Variants in METTL24 observed in about 807,000 individuals in gnomAD.
The protein encoded by METTL24 is probable methyltransferase-like protein 24.
METTL24 carries 29 observed loss-of-function variants against 32.7 expected under a neutral mutation model. The ratio of observed to expected loss-of-function variants is 0.89; its 90% CI spans 0.66 to 1.21. The LOEUF (loss-of-function observed/expected upper bound fraction) is 1.21, where lower values mean the gene tolerates loss of function less well. Among genes scored for constraint, METTL24 ranks in the 50% most tolerant of loss-of-function variants. METTL24 has a pLI of 0.00. For missense variants in METTL24, 439 were observed against 468.1 expected (o/e 0.94, Z 0.57); for synonymous variants, 163 against 179.5 (o/e 0.91, Z 0.73).
intron 1 of METTL24, among the ~76,000 whole-genome samples, chr6:110,338,153 T>C (rs556672610): frequency 6.6e-6 from 1 of 152,324 alleles, no homozygotes; most frequent in South Asian, 2.1e-4. Flanking sequence ...AATACCTTAA[T>C]CTAGCTAAAT....
chr6:110,337,545 C>A (rs1186973794), intron 1 of METTL24, among the ~76,000 whole-genome samples: 1 of 152,144 alleles, frequency 6.6e-6, no homozygotes, highest in Non-Finnish European at 1.5e-5. Context: ...CTAGAACAGA[C>A]CATTGGTCTT....
chr6:110,284,385 T>C (rs959673029), intron 4 of METTL24, among the ~76,000 whole-genome samples: 6 of 152,202 alleles, frequency 3.9e-5, no homozygotes, highest in African/African-American at 1.4e-4. Flanking sequence ...AATTAAAATT[T>C]TTAAAAATTA....
chr6:110,293,122 GA>G (rs200698059), intron 4 of METTL24, among the ~76,000 whole-genome samples: 2,699 of 149,980 alleles, frequency 0.018, 30 homozygotes, highest in Non-Finnish European at 0.025. Flanking sequence ...CTTTAGTTCT[GA>G]AAAAAAAATC....
intron 4 of METTL24, among the ~76,000 whole-genome samples, chr6:110,268,782 A>C (rs932314720): frequency 6.6e-6 from 1 of 152,128 alleles, no homozygotes; most frequent in Non-Finnish European, 1.5e-5. Context: ...ACTCCATACA[A>C]ATTAATATAA....
intron 1 of METTL24, among the ~76,000 whole-genome samples, chr6:110,345,611 A>G (rs146013964): frequency 6.6e-6 from 1 of 152,344 alleles, no homozygotes; most frequent in East Asian, 1.9e-4. Context: ...AAAGAATGAG[A>G]TCATGTCTTT....
chr6:110,268,371 T>A (rs987656303), intron 4 of METTL24, among the ~76,000 whole-genome samples: 2 of 152,190 alleles, frequency 1.3e-5, no homozygotes, highest in Non-Finnish European at 2.9e-5. Flanking sequence ...AGCATGTTCT[T>A]AACACCCCTA....
intron 3 of METTL24, among the ~76,000 whole-genome samples, chr6:110,314,265 T>C (rs1208580646): frequency 6.6e-6 from 1 of 152,234 alleles, no homozygotes. Flanking sequence ...TGGTCTAGCC[T>C]GAGAATCTAC....
intron 4 of METTL24, among the ~76,000 whole-genome samples, chr6:110,255,021 A>G (rs1253085105): frequency 6.6e-6 from 1 of 152,218 alleles, no homozygotes; most frequent in Non-Finnish European, 1.5e-5. Context: ...AGTTTCAATT[A>G]TCACTGTCAA....
intron 1 of METTL24, among the ~76,000 whole-genome samples, chr6:110,349,694 C>T (rs1772555283): frequency 6.6e-6 from 1 of 152,140 alleles, no homozygotes; most frequent in Non-Finnish European, 1.5e-5. Context: ...TTCACTTGGG[C>T]CCCGATCACC....
At position 110,358,072 on chromosome 6, in the gene METTL24, G is replaced by A. The variant is rs1490849195; in HGVS notation, c.201C>T (p.Gly67=). 8 of 1,013,086 alleles carry A rather than the reference G, an allele frequency of 7.9e-6. No homozygotes were observed. The highest frequency in any genetic ancestry group is 9.4e-6 in the Non-Finnish European group (8 of 849,872). 62.8% of individuals were successfully genotyped at this position (1,013,086 alleles called of 1,614,324 possible). Residue 67 remains glycine, a synonymous_variant, in exon 1 of 5, where the codon GGC becomes GGT. Transcript: ENST00000338882. ...HLPPAPGQPR[G]ASRRQVTYVR... is the part of the protein sequence containing the mutation. ...CGTAGGTCACCTGCCTCCTGCTGGCGCCGCGCGGCTGGCCCGGCGCGGGCG... is the reference window on the plus strand; with the variant it reads ...CGTAGGTCACCTGCCTCCTGCTGGCACCGCGCGGCTGGCCCGGCGCGGGCG...
At position 110,295,011 on chromosome 6, in the gene METTL24, TTC is replaced by T. The variant is rs1202543080; in HGVS notation, c.786+3909_786+3910del. On this transcript the variant is annotated intron_variant, in intron 4 of 4. Coordinates refer to ENST00000338882, the MANE Select transcript of METTL24 (RefSeq NM_001123364.3). ...TAATTGCTTTTCTTTTTTTCTTTCTTTCTTTTTTTTTTTTTTTTTTTTTTTTT... is the reference window on the plus strand; with the variant it reads ...TAATTGCTTTTCTTTTTTTCTTTCTTTTTTTTTTTTTTTTTTTTTTTTTTT... Among the ~76,000 whole-genome samples, 280 of 144,500 alleles carry T rather than the reference TTC, an allele frequency of 1.9e-3. 9 individuals carry two copies. Among genetic ancestry groups the T allele is most frequent in the African/African-American group, 7.3e-3 (267 of 36,710 alleles). The allele number at this position is 144,500 out of a possible 152,430, so 94.8% of individuals were successfully genotyped here.
intron 4 of METTL24, among the ~76,000 whole-genome samples, chr6:110,276,214 C>T (rs1771044827): frequency 6.6e-6 from 1 of 152,182 alleles, no homozygotes; most frequent in Admixed American, 6.5e-5. Context: ...CCAAGGATTG[C>T]ATAAGGCCAG....
chr6:110,292,021 A>C (rs1771330185), intron 4 of METTL24, among the ~76,000 whole-genome samples: 1 of 152,194 alleles, frequency 6.6e-6, no homozygotes, highest in Admixed American at 6.5e-5. Context: ...CTCTTTCTTA[A>C]AAATGTATCT....
In METTL24 at chr6:110,322,883, C is replaced by T; in HGVS notation, c.319-11G>A. ...ATGCCACCGGGGACCCTGCAAGAGACAGAAAACATAGGTTGTGTGTAAGGA... is the reference window on the plus strand; with the variant it reads ...ATGCCACCGGGGACCCTGCAAGAGATAGAAAACATAGGTTGTGTGTAAGGA... On this transcript the variant is annotated splice_polypyrimidine_tract_variant and intron_variant, in intron 1 of 4. Transcript: ENST00000338882. The T allele has an allele frequency of 6.3e-7, 1 of 1,589,982 alleles. No individual in the cohort carries two copies. Among genetic ancestry groups the T allele is most frequent in the Non-Finnish European group, 8.5e-7 (1 of 1,171,406 alleles).
At chr6:110,259,578 C>T (rs1159343126) in intron 4 of METTL24, among the ~76,000 whole-genome samples, 1 of 152,246 alleles carries the variant, frequency 6.6e-6, no homozygotes, top group Non-Finnish European at 1.5e-5. Flanking sequence ...GAAACCTCTG[C>T]AGACTTAAAT....
At position 110,303,730 on chromosome 6, in the gene METTL24, G is replaced by A. The variant is rs550266702; in HGVS notation, c.558-4580C>T. Among the ~76,000 whole-genome samples, 507 of 152,318 alleles carry A rather than the reference G, an allele frequency of 3.3e-3. 1 individual carries two copies. The highest frequency in any genetic ancestry group is 4.7e-3 in the Non-Finnish European group (323 of 68,030). ...AGCACCTGGGGGAAGGGGCGGCTGC[G>A]GGTGCAGCTTCAGCAGACTTAAACA... is the stretch of plus-strand genomic sequence containing the variant. On this transcript the variant is annotated intron_variant, in intron 3 of 4. Transcript: ENST00000338882.
At chr6:110,334,978 A>G (rs1772184812) in intron 1 of METTL24, among the ~76,000 whole-genome samples, 1 of 152,222 alleles carries the variant, frequency 6.6e-6, no homozygotes. Context: ...CTGACAAGTT[A>G]GGAGAAGCCA....
chr6:110,261,956 C>T (rs1770739869), intron 4 of METTL24, among the ~76,000 whole-genome samples: 1 of 152,066 alleles, frequency 6.6e-6, no homozygotes, highest in Non-Finnish European at 1.5e-5. Flanking sequence ...CTCTGGGACA[C>T]ATTTAAAGCA....
intron 4 of METTL24, among the ~76,000 whole-genome samples, chr6:110,294,704 G>T (rs1229870099): frequency 1.3e-5 from 2 of 151,982 alleles, no homozygotes; most frequent in Non-Finnish European, 2.9e-5. Context: ...GGAAATAAAA[G>T]AATCTAGAAT....
Sources: allele counts gnomAD v4.1 joint callset (sites outside exome capture counted in the v4.1 genomes callset), GRCh38; gene constraint gnomAD v4.1.1; transcripts MANE v1.5; gene names NCBI Gene and HGNC (gene_info 2026-07-23, HGNC 2026-07-21).